KANK4: variants seen among roughly 807,000 people sequenced by gnomAD.
KANK4 encodes KN motif and ankyrin repeat domain-containing protein 4.
A neutral mutation model predicts 80.8 loss-of-function variants in KANK4; 50 were observed. That is an observed-to-expected ratio of 0.62 (90% CI 0.49 to 0.78). The LOEUF is 0.78. Ranked by LOEUF, KANK4 falls within the 30% of genes least tolerant of loss-of-function variation. The probability of loss-of-function intolerance (pLI) is 0.00; values close to 1 mark genes in which losing one functional copy is unlikely to be tolerated. For missense variants in KANK4, 1,196 were observed against 1,240.1 expected, an observed-to-expected ratio of 0.96 and a Z score of 0.53; for synonymous variants, 465 against 506.9, an observed-to-expected ratio of 0.92 and a Z score of 1.11.
At chr1:62,315,227 G>A (rs1273918809) in intron 1 of KANK4, among the ~76,000 whole-genome samples, 2 of 152,090 alleles carry the variant, frequency 1.3e-5, no homozygotes, top group East Asian at 3.9e-4. Context: ...CCAATCCCAG[G>A]ATACACTGAC....
intron 6 of KANK4, among the ~76,000 whole-genome samples, chr1:62,264,365 T>C (rs904139485): frequency 5.9e-5 from 9 of 152,028 alleles, no homozygotes; most frequent in Non-Finnish European, 1.2e-4. Context: ...TGTGTGTGAG[T>C]GCACCATTGC....
chr1:62,315,627 C>T (rs1419537352), intron 1 of KANK4, among the ~76,000 whole-genome samples: 2 of 152,106 alleles, frequency 1.3e-5, no homozygotes, highest in Non-Finnish European at 2.9e-5. Context: ...AGTCCCCCCG[C>T]CCACAGATGA....
intron 1 of KANK4, among the ~76,000 whole-genome samples, chr1:62,285,001 G>A (rs894145390): frequency 3.9e-5 from 6 of 152,158 alleles, no homozygotes; most frequent in Non-Finnish European, 7.4e-5. Context: ...AAACTAACAA[G>A]AGCTAAGCAC....
chr1:62,316,716 T>C (rs756191997), intron 1 of KANK4, among the ~76,000 whole-genome samples: 1 of 152,056 alleles, frequency 6.6e-6, no homozygotes, highest in Non-Finnish European at 1.5e-5. Context: ...ATAACCACCA[T>C]CCCCTCCCCA....
chr1:62,306,608 T>C (rs1481731782), intron 1 of KANK4, among the ~76,000 whole-genome samples: 1 of 152,152 alleles, frequency 6.6e-6, no homozygotes, highest in Non-Finnish European at 1.5e-5. Flanking sequence ...ACAGATTCTC[T>C]ATCCCTGTTG....
At chr1:62,240,810 C>T (rs1169805041) in intron 9 of KANK4, among the ~76,000 whole-genome samples, 1 of 152,216 alleles carries the variant, frequency 6.6e-6, no homozygotes, top group Admixed American at 6.5e-5. Context: ...GGCAGTCCCA[C>T]TGTCTAAAGA....
chr1:62,263,362 T>C (rs759600223), intron 6 of KANK4, 51 bp from the exon 7 acceptor site: 3 of 1,460,248 alleles, frequency 2.1e-6, no homozygotes, highest in South Asian at 1.2e-5. Flanking sequence ...CCAGCAAGAG[T>C]TCCTCCCTTA....
chr1:62,250,532 C>T (rs1175278162), intron 8 of KANK4, among the ~76,000 whole-genome samples: 2 of 152,190 alleles, frequency 1.3e-5, no homozygotes, highest in East Asian at 3.8e-4. Context: ...CTGCTCTCTT[C>T]ACATGTGAAG....
intron 8 of KANK4, among the ~76,000 whole-genome samples, chr1:62,249,693 C>T (rs1268145209): frequency 2.0e-5 from 3 of 151,776 alleles, no homozygotes; most frequent in Admixed American, 6.6e-5. Flanking sequence ...CGGGCGCCCA[C>T]CATTACGCCA....
At chr1:62,269,797 A>G (rs1221136198) in intron 4 of KANK4, among the ~76,000 whole-genome samples, 1 of 152,244 alleles carries the variant, frequency 6.6e-6, no homozygotes, top group East Asian at 1.9e-4. Flanking sequence ...TTAAAAAAAA[A>G]GAGCCATGGG....
intron 1 of KANK4, among the ~76,000 whole-genome samples, chr1:62,297,648 G>A (rs959443990): frequency 5.3e-5 from 8 of 152,180 alleles, no homozygotes; most frequent in African/African-American, 9.7e-5. Context: ...AACATCAGGC[G>A]ATTATTAAAA....
chr1:62,270,685 CA>C (rs1672140121), intron 4 of KANK4, among the ~76,000 whole-genome samples: 1 of 152,066 alleles, frequency 6.6e-6, no homozygotes, highest in Non-Finnish European at 1.5e-5. Flanking sequence ...CGACTGGCCC[CA>C]GTTCATCATT....
At chr1:62,246,063 A>C (rs1481558690) in intron 9 of KANK4, among the ~76,000 whole-genome samples, 1 of 152,102 alleles carries the variant, frequency 6.6e-6, no homozygotes, top group Non-Finnish European at 1.5e-5. Flanking sequence ...CCTTGAGCAA[A>C]GTGGGGCAGC....
At chr1:62,252,598 A>G (rs1671649736) in intron 8 of KANK4, among the ~76,000 whole-genome samples, 1 of 152,248 alleles carries the variant, frequency 6.6e-6, no homozygotes, top group African/African-American at 2.4e-5. Context: ...ACTTTCCCTC[A>G]GTCTGAGGAC....
intron 8 of KANK4, among the ~76,000 whole-genome samples, chr1:62,250,646 T>C (rs917974348): frequency 1.1e-4 from 17 of 152,188 alleles, no homozygotes; most frequent in African/African-American, 4.1e-4. Context: ...GTTTCTTCTC[T>C]GTACAAAGAA....
intron 2 of KANK4, among the ~76,000 whole-genome samples, chr1:62,276,682 C>G (rs141601529): frequency 0.013 from 1,952 of 151,346 alleles, 21 homozygotes; most frequent in Middle Eastern, 0.038. Context: ...GAGGCTGAGG[C>G]GGGAGAATCG....
At chr1:62,289,829 G>A (rs1672644508) in intron 1 of KANK4, among the ~76,000 whole-genome samples, 1 of 152,148 alleles carries the variant, frequency 6.6e-6, no homozygotes, top group Non-Finnish European at 1.5e-5. Context: ...CATAATTGAA[G>A]GGCAAGTTCT....
chr1:62,250,688 C>T (rs560383498), intron 8 of KANK4, among the ~76,000 whole-genome samples: 2 of 143,664 alleles, frequency 1.4e-5, no homozygotes, highest in South Asian at 4.8e-4. Flanking sequence ...GCAAGCAACC[C>T]CTCTTACAAG....
intron 1 of KANK4, among the ~76,000 whole-genome samples, chr1:62,314,671 T>C (rs917136102): frequency 6.7e-6 from 1 of 149,330 alleles, no homozygotes; most frequent in African/African-American, 2.5e-5. Context: ...GATCCTTCCA[T>C]GCAAAGGGGG....
Sources: gnomAD v4.1 joint callset for allele counts (sites outside exome capture counted in the v4.1 genomes callset) on GRCh38, gnomAD v4.1.1 for gene constraint, MANE v1.5 for transcripts, NCBI Gene and HGNC (gene_info 2026-07-23, HGNC 2026-07-21) for gene names.